Variants in HECW2 observed in about 807,000 individuals in gnomAD.
The protein encoded by HECW2 is HECT, C2 and WW domain containing E3 ubiquitin protein ligase 2.
In HECW2, 61 loss-of-function variants were observed where a neutral mutation model predicts 175.2. The observed-to-expected ratio is 0.35, with a 90% CI of 0.28 to 0.43. The LOEUF (loss-of-function observed/expected upper bound fraction) is 0.43. Among genes scored for constraint, HECW2 ranks in the 20% least tolerant of loss-of-function variants. The pLI, the probability that HECW2 is intolerant of heterozygous loss-of-function variation, is 1.00. For missense variants in HECW2, 1,524 were observed against 2,000.5 expected (o/e 0.76, Z 4.54); for synonymous variants, 671 against 731.0 (o/e 0.92, Z 1.32).
At chr2:196,254,415 A>G (rs1688971810) in intron 18 of HECW2, among the ~76,000 whole-genome samples, 1 of 152,238 alleles carries the variant, frequency 6.6e-6, no homozygotes, top group Non-Finnish European at 1.5e-5. Context: ...TCCTCATTCC[A>G]AGAAATAAAC....
chr2:196,388,124 C>T (rs1480964768), intron 2 of HECW2, among the ~76,000 whole-genome samples: 2 of 151,828 alleles, frequency 1.3e-5, no homozygotes, highest in Non-Finnish European at 2.9e-5. Flanking sequence ...GACCTCATCT[C>T]TACTAAAAAA....
intron 15 of HECW2, among the ~76,000 whole-genome samples, chr2:196,276,815 C>T (rs1689974942): frequency 6.6e-6 from 1 of 152,102 alleles, no homozygotes; most frequent in Non-Finnish European, 1.5e-5. Flanking sequence ...GCACTTACAA[C>T]CAGCAAACAC....
At chr2:196,473,018 T>C (rs1327074156) in intron 1 of HECW2, among the ~76,000 whole-genome samples, 2 of 152,254 alleles carry the variant, frequency 1.3e-5, no homozygotes, top group African/African-American at 4.8e-5. Flanking sequence ...AATGAAATTG[T>C]AGAATCTTGT....
At chr2:196,491,501 TACAC>T (rs56806806) in intron 1 of HECW2, among the ~76,000 whole-genome samples, 25,268 of 125,844 alleles carry the variant, frequency 0.2, 4,187 homozygotes, top group African/African-American at 0.49. Context: ...TATATATATA[TACAC>T]ACACACACAC....
intron 28 of HECW2, among the ~76,000 whole-genome samples, chr2:196,204,568 G>A (rs1686999096): frequency 6.6e-6 from 1 of 152,180 alleles, no homozygotes; most frequent in Admixed American, 6.5e-5. Flanking sequence ...TGAGAATGCA[G>A]CCCCACCCAC....
chr2:196,361,963 A>G, intron 2 of HECW2: 2 of 985,424 alleles, frequency 2.0e-6, no homozygotes, highest in Non-Finnish European at 2.4e-6. Flanking sequence ...AACTGAAGTC[A>G]AGGCGGGTCT....
chr2:196,592,084 ATTC>A (rs1691218871), intron 1 of HECW2, among the ~76,000 whole-genome samples: 1 of 152,220 alleles, frequency 6.6e-6, no homozygotes, highest in Admixed American at 6.5e-5. Context: ...ACACTAAAAT[ATTC>A]TTCTTCTAAA....
At chr2:196,219,672 T>C (rs1687597376) in intron 26 of HECW2, among the ~76,000 whole-genome samples, 1 of 152,216 alleles carries the variant, frequency 6.6e-6, no homozygotes, top group Non-Finnish European at 1.5e-5. Flanking sequence ...TCAAAGGGTG[T>C]GCTTTTCTAA....
At chr2:196,489,993 A>G (rs1687128923) in intron 1 of HECW2, among the ~76,000 whole-genome samples, 1 of 152,336 alleles carries the variant, frequency 6.6e-6, no homozygotes, top group East Asian at 1.9e-4. Context: ...GAGCTCCTCC[A>G]TACTGCATAA....
At chr2:196,238,286 T>C (rs2105872323) in intron 21 of HECW2, among the ~76,000 whole-genome samples, 1 of 152,190 alleles carries the variant, frequency 6.6e-6, no homozygotes, top group South Asian at 2.1e-4. Context: ...ATTTTTATAG[T>C]TCAATGGAAA....
chr2:196,248,661 G>A (rs186396240), intron 19 of HECW2, among the ~76,000 whole-genome samples: 1 of 151,302 alleles, frequency 6.6e-6, no homozygotes, highest in East Asian at 1.9e-4. Context: ...TAGAGAGGGA[G>A]GAAGGAAGAA....
intron 2 of HECW2, among the ~76,000 whole-genome samples, chr2:196,391,055 C>A (rs1694494938): frequency 6.6e-6 from 1 of 152,074 alleles, no homozygotes; most frequent in Non-Finnish European, 1.5e-5. Context: ...CTCCACTGAC[C>A]TCAAATTTGC....
chr2:196,208,502 T>A (rs1004945501), intron 28 of HECW2, among the ~76,000 whole-genome samples: 1 of 152,166 alleles, frequency 6.6e-6, no homozygotes, highest in Non-Finnish European at 1.5e-5. Context: ...AGACAGATAA[T>A]CAACAAGTAA....
intron 2 of HECW2, among the ~76,000 whole-genome samples, chr2:196,370,904 G>A (rs1013536775): frequency 2.6e-5 from 4 of 152,182 alleles, no homozygotes; most frequent in Non-Finnish European, 5.9e-5. Context: ...TGGAGGATAG[G>A]GGGGATGCAG....
chr2:196,200,367 TGA>T lies in HECW2; in HGVS notation c.*908_*909del, dbSNP rs2105749721. ...AAAATAAAAGGCCCTTTTGTTTCCT[TGA>T]GAGTGCTTAAAAGGATACATATTAG... On this transcript the variant is annotated 3_prime_UTR_variant, in exon 29 of 29. Coordinates refer to ENST00000644978, the MANE Select transcript of HECW2 (RefSeq NM_001348768.2). The T allele has an allele frequency of 6.5e-6, 1 of 152,678 alleles. No individual in the cohort carries two copies. Among genetic ancestry groups the T allele is most frequent in the East Asian group, 1.9e-4 (1 of 5,188 alleles). The allele number at this position is 152,678 out of a possible 1,614,324, so 9.5% of individuals were successfully genotyped here.
chr2:196,381,390 A>G (rs943727300), intron 2 of HECW2, among the ~76,000 whole-genome samples: 1 of 152,180 alleles, frequency 6.6e-6, no homozygotes, highest in Non-Finnish European at 1.5e-5. Context: ...CTTAGCTGTT[A>G]ATAAGTTGTA....
chr2:196,577,837 A>G (rs1470045134), intron 1 of HECW2, among the ~76,000 whole-genome samples: 1 of 152,224 alleles, frequency 6.6e-6, no homozygotes, highest in Non-Finnish European at 1.5e-5. Context: ...CAAAGAATAC[A>G]GACTACAGAA....
intron 24 of HECW2, 30 bp from the exon 25 acceptor site, chr2:196,220,971 C>T (rs78356679): frequency 0.019 from 31,016 of 1,608,166 alleles, 1,856 homozygotes; most frequent in African/African-American, 0.19. Flanking sequence ...AGAATGACTA[C>T]AAAGCAATAC....
At chr2:196,311,368 T>C (rs1229225454) in intron 10 of HECW2, among the ~76,000 whole-genome samples, 3 of 152,208 alleles carry the variant, frequency 2.0e-5, no homozygotes, top group Admixed American at 6.5e-5. Flanking sequence ...TCTCGGCTTA[T>C]TCCTAGACAC....
Sources: gnomAD v4.1 joint callset for allele counts (sites outside exome capture counted in the v4.1 genomes callset) on GRCh38, gnomAD v4.1.1 for gene constraint, MANE v1.5 for transcripts, NCBI Gene and HGNC (gene_info 2026-07-23, HGNC 2026-07-21) for gene names.